The following CCSER1 variants were observed in gnomAD, a reference collection of about 807,000 sequenced individuals.
CCSER1 encodes the protein serine-rich coiled-coil domain-containing protein 1.
CCSER1 carries 41 observed loss-of-function variants against 82.0 expected under a neutral mutation model. The observed-to-expected ratio is 0.50, with a 90% CI of 0.39 to 0.65. CCSER1 has a LOEUF of 0.65. Ranked by LOEUF, CCSER1 falls within the 30% of genes least tolerant of loss-of-function variation. The pLI is 0.00. For synonymous variants in CCSER1, 414 were observed against 383.9 expected (o/e 1.08, Z -0.92); for missense variants, 1,119 against 1,064.2 (o/e 1.05, Z -0.72).
At chr4:91,009,861 A>G (rs566922774) in intron 9 of CCSER1, among the ~76,000 whole-genome samples, 147 of 152,272 alleles carry the variant, frequency 9.7e-4, no homozygotes, top group African/African-American at 3.3e-3. Context: ...TTAAAAACTT[A>G]TTGCAGCTAT....
chr4:90,980,918 T>C (rs2150420543), intron 9 of CCSER1, among the ~76,000 whole-genome samples: 1 of 151,936 alleles, frequency 6.6e-6, no homozygotes, highest in Non-Finnish European at 1.5e-5. Context: ...CGGTAGCGCA[T>C]GCTATTGGTG....
At chr4:90,406,042 A>G (rs1438109683) in intron 4 of CCSER1, among the ~76,000 whole-genome samples, 1 of 152,208 alleles carries the variant, frequency 6.6e-6, no homozygotes, top group East Asian at 1.9e-4. Flanking sequence ...AATAGCCTAA[A>G]TGCTCCACTG....
At chr4:91,098,617 C>T (rs1724740196) in intron 10 of CCSER1, among the ~76,000 whole-genome samples, 2 of 151,774 alleles carry the variant, frequency 1.3e-5, no homozygotes, top group African/African-American at 4.8e-5. Context: ...TCTCTGCTCA[C>T]TGCAAGCTCC....
In CCSER1 at chr4:91,603,536, T is replaced by C. The variant is rs928844681; in HGVS notation, c.*4479T>C. ...TTAATAGAGAGTAGGTTCCTTCCAT[T>C]TGAGTAAGTGATCTAGAATATGGGA... On this transcript the variant is annotated 3_prime_UTR_variant, in exon 11 of 11. Transcript: ENST00000509176. The C allele has an allele frequency of 6.6e-5, 10 of 152,120 alleles. No homozygotes were observed. Among genetic ancestry groups the C allele is most frequent in the African/African-American group, 1.4e-4 (6 of 41,446 alleles). 9.4% of individuals were successfully genotyped at this position (152,120 alleles called of 1,614,324 possible).
At chr4:91,271,529 G>C (rs1581880384) in intron 10 of CCSER1, among the ~76,000 whole-genome samples, 1 of 152,038 alleles carries the variant, frequency 6.6e-6, no homozygotes, top group Non-Finnish European at 1.5e-5. Context: ...TACAATGTTT[G>C]GTTTTCCATT....
At chr4:90,788,319 T>C (rs1158280285) in intron 7 of CCSER1, among the ~76,000 whole-genome samples, 1 of 152,204 alleles carries the variant, frequency 6.6e-6, no homozygotes, top group Non-Finnish European at 1.5e-5. Context: ...TGTGTCTATG[T>C]ATTAGTTTCC....
chr4:91,534,428 C>A (rs1460631543), intron 10 of CCSER1, among the ~76,000 whole-genome samples: 1 of 151,974 alleles, frequency 6.6e-6, no homozygotes, highest in Non-Finnish European at 1.5e-5. Context: ...CAAGTTCTAT[C>A]AATGAGAAAC....
At chr4:90,955,639 C>T (rs1022143402) in intron 9 of CCSER1, among the ~76,000 whole-genome samples, 1 of 152,128 alleles carries the variant, frequency 6.6e-6, no homozygotes, top group African/African-American at 2.4e-5. Flanking sequence ...AACCCTTACT[C>T]TGATTTACTA....
chr4:90,749,356 G>A (rs968483305), intron 7 of CCSER1, among the ~76,000 whole-genome samples: 10 of 151,592 alleles, frequency 6.6e-5, no homozygotes, highest in Admixed American at 1.3e-4. Flanking sequence ...GTAGATATGC[G>A]GCGTTATTTC....
intron 4 of CCSER1, among the ~76,000 whole-genome samples, chr4:90,403,203 A>G (rs1345991158): frequency 6.6e-6 from 1 of 152,236 alleles, no homozygotes; most frequent in African/African-American, 2.4e-5. Context: ...CAACATAATT[A>G]AAGACCTCAG....
chr4:91,288,675 A>G (rs1363579571), intron 10 of CCSER1, among the ~76,000 whole-genome samples: 3 of 152,066 alleles, frequency 2.0e-5, no homozygotes, highest in Non-Finnish European at 4.4e-5. Context: ...TCCTTTATCC[A>G]TTCAAAACAA....
intron 9 of CCSER1, among the ~76,000 whole-genome samples, chr4:90,953,951 GT>G (rs1733171407): frequency 6.6e-6 from 1 of 151,864 alleles, no homozygotes; most frequent in Admixed American, 6.6e-5. Context: ...AACAAAAGAG[GT>G]TCATAAATTT....
At chr4:90,476,885 A>C (rs1765192562) in intron 5 of CCSER1, among the ~76,000 whole-genome samples, 1 of 152,162 alleles carries the variant, frequency 6.6e-6, no homozygotes, top group African/African-American at 2.4e-5. Flanking sequence ...TATTTTTCAG[A>C]TAAGTTGGGA....
chr4:91,578,430 G>T (rs1763559969), intron 10 of CCSER1, among the ~76,000 whole-genome samples: 1 of 151,868 alleles, frequency 6.6e-6, no homozygotes. Flanking sequence ...TGGGAAATGT[G>T]TTAAAATGCT....
chr4:91,131,409 C>G (rs1727984593), intron 10 of CCSER1, among the ~76,000 whole-genome samples: 1 of 150,508 alleles, frequency 6.6e-6, no homozygotes, highest in South Asian at 2.1e-4. Context: ...ACACACTGAC[C>G]TGGTTGTATC....
At chr4:90,651,688 TAA>T (rs34539598) in intron 6 of CCSER1, among the ~76,000 whole-genome samples, 9 of 149,522 alleles carry the variant, frequency 6.0e-5, no homozygotes, top group South Asian at 4.2e-4. Context: ...AAAGTATAAT[TAA>T]AAAAAAAAAA....
intron 1 of CCSER1, among the ~76,000 whole-genome samples, chr4:90,196,313 T>TA (rs1248496792): frequency 6.6e-6 from 1 of 152,052 alleles, no homozygotes; most frequent in East Asian, 1.9e-4. Flanking sequence ...TTCTGTTACT[T>TA]AGAGTCTGTA....
intron 7 of CCSER1, chr4:90,781,396 G>A (rs1753761008): frequency 2.0e-6 from 2 of 985,282 alleles, no homozygotes; most frequent in African/African-American, 3.5e-5. Context: ...TTGAGCCCCT[G>A]TCCCATAAAA....
At chr4:90,685,183 A>C (rs912479800) in intron 6 of CCSER1, among the ~76,000 whole-genome samples, 2 of 151,936 alleles carry the variant, frequency 1.3e-5, no homozygotes, top group Non-Finnish European at 2.9e-5. Flanking sequence ...ATCATCTAGA[A>C]CTCAGGCTCT....
Sources: gnomAD v4.1 joint callset for allele counts (sites outside exome capture counted in the v4.1 genomes callset) on GRCh38, gnomAD v4.1.1 for gene constraint, MANE v1.5 for transcripts, NCBI Gene and HGNC (gene_info 2026-07-23, HGNC 2026-07-21) for gene names.